CHM: variants seen among roughly 807,000 people sequenced by gnomAD.
The protein encoded by CHM is CHM Rab escort protein.
In CHM, 10 loss-of-function variants were observed where a neutral mutation model predicts 49.0. The ratio of observed to expected loss-of-function variants is 0.20; its 90% CI spans 0.13 to 0.35. The LOEUF is 0.35. Ranked by LOEUF, CHM falls within the 10% of genes least tolerant of loss-of-function variation. The probability of loss-of-function intolerance (pLI) is 1.00; values close to 1 mark genes in which losing one functional copy is unlikely to be tolerated. For missense variants in CHM, 455 were observed against 478.4 expected (o/e 0.95, Z 0.46); for synonymous variants, 184 against 167.5 (o/e 1.10, Z -0.76).
chrX:86,027,239 C>G, intron 2 of CHM: 3 of 344,602 alleles, frequency 8.7e-6, no homozygotes, highest in Non-Finnish European at 1.5e-5. Flanking sequence ...CAAAATCACT[C>G]ATGAGAAAAA....
At chrX:85,882,658 A>G (rs943233570) in intron 12 of CHM, among the ~76,000 whole-genome samples, 28 of 111,749 alleles carry the variant, frequency 2.5e-4, no homozygotes, top group African/African-American at 9.1e-4. Flanking sequence ...GTGCAAAATA[A>G]GTTTTAATTT....
chrX:86,039,510 CAA>C (rs769393073), intron 1 of CHM, among the ~76,000 whole-genome samples: 43 of 40,187 alleles, frequency 1.1e-3, no homozygotes, highest in African/African-American at 2.5e-3. Flanking sequence ...TGGCCTAGAC[CAA>C]AAAAAAAAAA....
At chrX:86,002,893 A>G (rs1486406763) in intron 2 of CHM, among the ~76,000 whole-genome samples, 1 of 112,142 alleles carries the variant, frequency 8.9e-6, no homozygotes, top group African/African-American at 3.2e-5. Context: ...CGTTCTCCCA[A>G]CATGGGGTTT....
chrX:85,972,446 C>A (rs985921929), intron 4 of CHM, among the ~76,000 whole-genome samples: 4 of 112,997 alleles, frequency 3.5e-5, no homozygotes, highest in African/African-American at 1.3e-4. Flanking sequence ...TGCACAGGAA[C>A]CCACGGTGGC....
intron 2 of CHM, among the ~76,000 whole-genome samples, chrX:86,001,784 C>T (rs1486836937): frequency 9.1e-6 from 1 of 110,232 alleles, no homozygotes; most frequent in Non-Finnish European, 1.9e-5. Context: ...GGACAAATAT[C>T]CGAGCCACAT....
intron 7 of CHM, among the ~76,000 whole-genome samples, chrX:85,956,780 G>A (rs1930031841): frequency 9.0e-6 from 1 of 111,068 alleles, no homozygotes; most frequent in Admixed American, 9.6e-5. Context: ...ATAAATATGT[G>A]AGTTTTGTAA....
intron 13 of CHM, among the ~76,000 whole-genome samples, chrX:85,877,965 G>T (rs1435637347): frequency 9.0e-6 from 1 of 111,658 alleles, no homozygotes; most frequent in East Asian, 2.8e-4. Context: ...AAGTGCACAT[G>T]CAAATCCTAC....
chrX:85,956,032 G>A, intron 8 of CHM, 121 bp downstream of exon 8: 1 of 552,759 alleles, frequency 1.8e-6, no homozygotes, highest in Non-Finnish European at 3.0e-6. Context: ...AAAATAAATA[G>A]AATAAAGTAT....
intron 1 of CHM, among the ~76,000 whole-genome samples, chrX:86,034,549 G>A (rs1398586566): frequency 2.7e-5 from 3 of 111,977 alleles, no homozygotes; most frequent in Non-Finnish European, 5.6e-5. Flanking sequence ...GGGAGGCTGA[G>A]GTGGGCAGAT....
chrX:86,041,981 G>T (rs903662517), intron 1 of CHM, among the ~76,000 whole-genome samples: 1 of 109,153 alleles, frequency 9.2e-6, no homozygotes, highest in Non-Finnish European at 1.9e-5. Context: ...CCTGGGAGAA[G>T]ATTAAGTTAG....
chrX:86,028,991 C>T (rs760036660), intron 1 of CHM, among the ~76,000 whole-genome samples: 1 of 112,116 alleles, frequency 8.9e-6, no homozygotes, highest in South Asian at 3.7e-4. Context: ...CAATCTCTAG[C>T]TAAAATCCAT....
At position 86,042,952 on chromosome X, in the gene CHM, C is replaced by T. The variant is rs1032407853; in HGVS notation, c.49+4532G>A. ...TCCCATCAGGCCCCACCTCCGACAA[C>T]GAGGATAACATTTCAACATGAGATT... On this transcript the variant is annotated intron_variant, in intron 1 of 14. Coordinates refer to ENST00000357749, the MANE Select transcript of CHM (RefSeq NM_000390.4). 3.6e-5 allele frequency among the ~76,000 whole-genome samples: 4 copies of T among 111,841 alleles called. No homozygotes were observed. The South Asian group carries it at 1.5e-3, about 42-fold the overall frequency.
chrX:86,031,172 G>C (rs1371022174), intron 1 of CHM, among the ~76,000 whole-genome samples: 1 of 111,281 alleles, frequency 9.0e-6, no homozygotes, highest in African/African-American at 3.3e-5. Flanking sequence ...TGGGTTTGGG[G>C]GAGAGGGAAA....
intron 8 of CHM, among the ~76,000 whole-genome samples, chrX:85,925,635 T>C (rs1438753565): frequency 8.9e-6 from 1 of 111,758 alleles, no homozygotes; most frequent in African/African-American, 3.2e-5. Context: ...TTTAATGTCC[T>C]GTATGATATA....
intron 8 of CHM, among the ~76,000 whole-genome samples, chrX:85,941,390 C>G (rs943220689): frequency 9.0e-6 from 1 of 111,417 alleles, no homozygotes; most frequent in Non-Finnish European, 1.9e-5. Flanking sequence ...TAATTTCTGA[C>G]ACACCTGAAA....
intron 11 of CHM, among the ~76,000 whole-genome samples, chrX:85,896,284 G>C (rs1925829181): frequency 9.0e-6 from 1 of 111,424 alleles, no homozygotes; most frequent in Admixed American, 9.5e-5. Context: ...GACAAGATGA[G>C]AGGCAGGGTG....
chrX:85,891,207 G>A (rs1001879685), intron 12 of CHM, among the ~76,000 whole-genome samples: 14 of 112,231 alleles, frequency 1.2e-4, no homozygotes, highest in South Asian at 3.7e-4. Flanking sequence ...AAAATTTGCA[G>A]CTTGACGATG....
chrX:85,910,742 T>A (rs900470371), intron 9 of CHM, among the ~76,000 whole-genome samples: 9 of 110,715 alleles, frequency 8.1e-5, no homozygotes, highest in African/African-American at 3.0e-4. Flanking sequence ...TGACATGCAT[T>A]ATCAGCAGAG....
chrX:85,906,115 A>C (rs1190587430), intron 9 of CHM, among the ~76,000 whole-genome samples: 2 of 111,948 alleles, frequency 1.8e-5, no homozygotes, highest in Non-Finnish European at 3.8e-5. Context: ...GAATGGATGG[A>C]TGGTTAATGA....
Sources: allele counts gnomAD v4.1 joint callset (sites outside exome capture counted in the v4.1 genomes callset), GRCh38; gene constraint gnomAD v4.1.1; transcripts MANE v1.5; gene names NCBI Gene and HGNC (gene_info 2026-07-23, HGNC 2026-07-21).